The following HPSE2 variants were observed in gnomAD, a reference collection of about 807,000 sequenced individuals.
HPSE2 encodes the protein inactive heparanase-2.
HPSE2 carries 38 observed loss-of-function variants against 60.5 expected under a neutral mutation model. The ratio of observed to expected loss-of-function variants is 0.63; its 90% CI spans 0.48 to 0.82. HPSE2 has a LOEUF of 0.82. Among genes scored for constraint, HPSE2 ranks in the 40% least tolerant of loss-of-function variants. The pLI is 0.00. For synonymous variants in HPSE2, 295 were observed against 293.2 expected (o/e 1.01, Z -0.06); for missense variants, 713 against 740.4 (o/e 0.96, Z 0.43).
chr10:99,120,804 A>G (rs1273026495), intron 3 of HPSE2, among the ~76,000 whole-genome samples: 1 of 152,194 alleles, frequency 6.6e-6, no homozygotes, highest in African/African-American at 2.4e-5. Flanking sequence ...AAGTCAAAAC[A>G]TAACAGATGC....
At chr10:98,731,168 C>T (rs1400967519) in intron 4 of HPSE2, among the ~76,000 whole-genome samples, 1 of 152,110 alleles carries the variant, frequency 6.6e-6, no homozygotes, top group Admixed American at 6.6e-5. Flanking sequence ...CACCTGTAAT[C>T]CCAGCTACTC....
chr10:98,960,983 T>C (rs1309453506), intron 3 of HPSE2, among the ~76,000 whole-genome samples: 3 of 84,142 alleles, frequency 3.6e-5, no homozygotes, highest in African/African-American at 1.5e-4. Flanking sequence ...TGAGTGAGAA[T>C]ATGCGGTGTT....
At chr10:98,611,911 A>G (rs548293900) in intron 9 of HPSE2, among the ~76,000 whole-genome samples, 8 of 152,284 alleles carry the variant, frequency 5.3e-5, no homozygotes, top group South Asian at 2.1e-4. Flanking sequence ...TTCTCTTCCT[A>G]TGAACTTCTA....
chr10:99,228,249 G>T (rs1034663817), intron 2 of HPSE2, among the ~76,000 whole-genome samples: 4 of 152,170 alleles, frequency 2.6e-5, no homozygotes, highest in African/African-American at 4.8e-5. Flanking sequence ...GGTAGTGAAA[G>T]TAAGCTGAGA....
chr10:99,305,667 C>A, the HPSE2 span, among the ~76,000 whole-genome samples: 1 of 151,980 alleles, frequency 6.6e-6, no homozygotes, highest in African/African-American at 2.4e-5. Flanking sequence ...CCAATAAAAG[C>A]AGACCCATAG....
chr10:98,981,418 T>C (rs1956202950), intron 3 of HPSE2, among the ~76,000 whole-genome samples: 5 of 152,184 alleles, frequency 3.3e-5, no homozygotes, highest in Admixed American at 2.0e-4. Flanking sequence ...CTGTAAGAGC[T>C]TGGACAAGTC....
intron 2 of HPSE2, among the ~76,000 whole-genome samples, chr10:99,208,904 C>T (rs2133903583): frequency 6.6e-6 from 1 of 151,732 alleles, no homozygotes; most frequent in Non-Finnish European, 1.5e-5. Context: ...GTTAAACAGA[C>T]AAAAAAGGTC....
At chr10:98,651,816 A>G (rs1054404938) in intron 6 of HPSE2, among the ~76,000 whole-genome samples, 1 of 149,660 alleles carries the variant, frequency 6.7e-6, no homozygotes, top group Non-Finnish European at 1.5e-5. Flanking sequence ...TCTGTCACCC[A>G]GGCTGGAGTG....
intron 3 of HPSE2, among the ~76,000 whole-genome samples, chr10:98,841,025 A>AG (rs1435548803): frequency 2.0e-5 from 3 of 152,210 alleles, no homozygotes; most frequent in South Asian, 2.1e-4. Flanking sequence ...TGGGAGGCCA[A>AG]GGGGGGCGAA....
chr10:99,221,308 A>C (rs1002486666), intron 2 of HPSE2, among the ~76,000 whole-genome samples: 2 of 152,208 alleles, frequency 1.3e-5, no homozygotes, highest in African/African-American at 2.4e-5. Flanking sequence ...TAGCTACCAA[A>C]TAAGTGGGAA....
At chr10:98,792,250 TTC>T (rs1156586225) in intron 3 of HPSE2, among the ~76,000 whole-genome samples, 3 of 152,224 alleles carry the variant, frequency 2.0e-5, no homozygotes, top group African/African-American at 4.8e-5. Flanking sequence ...ACACTCATTT[TTC>T]TTTTATTTTT....
At chr10:98,905,744 T>C (rs1164316555) in intron 3 of HPSE2, among the ~76,000 whole-genome samples, 2 of 152,184 alleles carry the variant, frequency 1.3e-5, no homozygotes, top group Non-Finnish European at 2.9e-5. Context: ...GAAAATTCCT[T>C]CATTATGTTC....
At chr10:99,305,953 T>TCGCGCA in the HPSE2 span, among the ~76,000 whole-genome samples, 14 of 24,844 alleles carry the variant, frequency 5.6e-4, no homozygotes, top group African/African-American at 1.7e-3. Flanking sequence ...ATATCCAAAC[T>TCGCGCA]CACACACACG....
chr10:98,568,091 A>G (rs2133890700), intron 9 of HPSE2, among the ~76,000 whole-genome samples: 1 of 152,336 alleles, frequency 6.6e-6, no homozygotes, highest in Non-Finnish European at 1.5e-5. Context: ...TAATGCTTTT[A>G]TCAGACTTAG....
At chr10:98,749,930 C>CTATA (rs771032742) in intron 3 of HPSE2, among the ~76,000 whole-genome samples, 23 of 96,978 alleles carry the variant, frequency 2.4e-4, no homozygotes, top group East Asian at 2.1e-3. Context: ...ATATTAAACA[C>CTATA]TATATATATA....
intron 3 of HPSE2, among the ~76,000 whole-genome samples, chr10:98,972,114 T>A (rs1223232682): frequency 6.6e-6 from 1 of 152,132 alleles, no homozygotes; most frequent in Non-Finnish European, 1.5e-5. Context: ...GAAAGTAATA[T>A]CTCATTGTTT....
At chr10:99,058,746 C>T (rs1161710971) in intron 3 of HPSE2, among the ~76,000 whole-genome samples, 1 of 151,882 alleles carries the variant, frequency 6.6e-6, no homozygotes, top group Non-Finnish European at 1.5e-5. Context: ...TTTTCACAAA[C>T]ATATATGTGT....
intron 6 of HPSE2, among the ~76,000 whole-genome samples, chr10:98,692,709 C>T (rs564733355): frequency 1.3e-5 from 2 of 152,228 alleles, no homozygotes; most frequent in East Asian, 1.9e-4. Flanking sequence ...GTGGAGCTTG[C>T]AGTGAGCCGA....
intron 3 of HPSE2, among the ~76,000 whole-genome samples, chr10:99,128,463 T>C (rs193083131): frequency 1.3e-5 from 2 of 151,868 alleles, no homozygotes; most frequent in East Asian, 1.9e-4. Flanking sequence ...ATAAAGAAAA[T>C]GTGGTACAGA....
Sources: allele counts gnomAD v4.1 joint callset (sites outside exome capture counted in the v4.1 genomes callset), GRCh38; gene constraint gnomAD v4.1.1; transcripts MANE v1.5; gene names NCBI Gene and HGNC (gene_info 2026-07-23, HGNC 2026-07-21).